DHX16: variants seen among roughly 807,000 people sequenced by gnomAD.
The protein encoded by DHX16 is DEAH-box helicase 16.
DHX16 carries 81 observed loss-of-function variants against 131.2 expected under a neutral mutation model. That is an observed-to-expected ratio of 0.62 (90% CI 0.52 to 0.74). DHX16 has a LOEUF of 0.74. DHX16 is among the 30% of genes least tolerant of loss of function. The pLI is 0.00. For synonymous variants in DHX16, 440 were observed against 520.2 expected (o/e 0.85, Z 2.10); for missense variants, 980 against 1,363.1 (o/e 0.72, Z 4.43).
At position 30,656,958 on chromosome 6, in the gene DHX16, G is replaced by GC. The variant is rs1347969497; in HGVS notation, c.2141dup (p.Cys714TrpfsTer35). 6.2e-7 allele frequency: 1 copy of GC among 1,612,176 alleles called. No homozygotes were observed. The highest frequency in any genetic ancestry group is 8.5e-7 in the Non-Finnish European group (1 of 1,179,520). On this transcript the variant is annotated frameshift_variant, in exon 13 of 20. Coordinates refer to ENST00000376442, the MANE Select transcript of DHX16 (RefSeq NM_003587.5). LOFTEE classifies it high-confidence loss of function. This position sits in a 1 kb window ranked among gnomAD's most constrained non-coding sequence, Gnocchi z 5.1. The stretch of plus-strand genomic sequence containing the variant: ...CATGCATCCCCAGGCTGACCTTGCT[G>GC]CAGGGTGTGACAGTGAGCGATTCCA...
In DHX16 at chr6:30,657,107, A is replaced by G. The variant is rs753372451; in HGVS notation, c.2008-15T>C. The G allele has an allele frequency of 6.8e-6, 11 of 1,606,920 alleles. 1 individual carries two copies. The South Asian group carries it at 1.1e-4, about 16-fold the overall frequency. ...GCCACAACCACCTGAGTGATAGGAT[A>G]TGGGGTCACCCAGTGACCCCACCTA... On this transcript the variant is annotated splice_polypyrimidine_tract_variant and intron_variant, in intron 12 of 19. Transcript: ENST00000376442.
Position 30,665,824 on chromosome 6 carries a change from G to A in DHX16, c.667-91C>T. 6.6e-7 allele frequency: 1 copy of A among 1,504,088 alleles called. No homozygotes were observed. Among genetic ancestry groups the A allele is most frequent in the Non-Finnish European group, 8.9e-7 (1 of 1,127,472 alleles). 93.2% of individuals were successfully genotyped at this position (1,504,088 alleles called of 1,614,324 possible). A position where few individuals can be genotyped will look rare whatever the true frequency, so the allele number is the denominator to read the frequency against. On this transcript the variant is annotated intron_variant, in intron 4 of 19. Coordinates refer to ENST00000376442, the MANE Select transcript of DHX16 (RefSeq NM_003587.5). This position sits in a 1 kb window ranked among gnomAD's most constrained non-coding sequence, Gnocchi z 4.8. ...CCTACAAGGGAAAAATCCCCTGACAGGCAGGCATGAGAACCTCAGGATGCA... is the reference window on the plus strand; with the variant it reads ...CCTACAAGGGAAAAATCCCCTGACAAGCAGGCATGAGAACCTCAGGATGCA...
In DHX16 at chr6:30,656,795, G is replaced by A; in HGVS notation, c.2149-36C>T. 1 of 1,609,514 alleles carries A rather than the reference G, an allele frequency of 6.2e-7. No individual in the cohort carries two copies. Among genetic ancestry groups the A allele is most frequent in the Non-Finnish European group, 8.5e-7 (1 of 1,179,494 alleles). On this transcript the variant is annotated intron_variant, in intron 13 of 19. Coordinates refer to ENST00000376442, the MANE Select transcript of DHX16 (RefSeq NM_003587.5). This position sits in a 1 kb window ranked among gnomAD's most constrained non-coding sequence, Gnocchi z 5.1. ...AGGGGAACAGGCTGGCTGACAATTT[G>A]GTCAGGGAAAAGAAAAAGGCAGTAT...
rs748417415 is a variant in DHX16 at position 30,656,274 on chromosome 6, AAG to A, written c.2431-11_2431-10del. 9.9e-6 allele frequency: 16 copies of A among 1,613,238 alleles called. No individual in the cohort carries two copies. The highest frequency in any genetic ancestry group is 4.5e-5 in the East Asian group (2 of 44,868). ...GCCATCTTTCGACCAGACTAAGGAG[AAG>A]AGAGAGAGAGTTGAGCCCAGTCCTC... On this transcript the variant is annotated splice_polypyrimidine_tract_variant and intron_variant, in intron 15 of 19. Coordinates refer to ENST00000376442, the MANE Select transcript of DHX16 (RefSeq NM_003587.5). The surrounding 1 kb of genome is among the most constrained non-coding windows in gnomAD (Gnocchi z 5.1).
In DHX16 at chr6:30,657,959, C is replaced by G. The variant is rs1332738853; in HGVS notation, c.2008-867G>C. ...CATCCACTGCTTCCCCGATAGACCACAAGTGCAAGTTTGTTAGGCTAAGGA... is the reference window on the plus strand; with the variant it reads ...CATCCACTGCTTCCCCGATAGACCAGAAGTGCAAGTTTGTTAGGCTAAGGA... On this transcript the variant is annotated intron_variant, in intron 12 of 19. Transcript: ENST00000376442. Among the ~76,000 whole-genome samples the G allele has an allele frequency of 4.6e-5, 7 of 152,358 alleles. No homozygotes were observed. In the East Asian group the frequency reaches 1.3e-3, roughly 29 times the overall value.
chr6:30,655,607 G>A lies in DHX16; in HGVS notation c.2499-10C>T, dbSNP rs1177683456. The A allele has an allele frequency of 2.5e-6, 4 of 1,613,040 alleles. No individual in the cohort carries two copies. Among genetic ancestry groups the A allele is most frequent in the Non-Finnish European group, 3.4e-6 (4 of 1,179,984 alleles). ...CTCTGAACAGCTGTACCTGGGACAGGAAGGGGAAAGCATGAGTTCAAAGCA... is the reference window on the plus strand; with the variant it reads ...CTCTGAACAGCTGTACCTGGGACAGAAAGGGGAAAGCATGAGTTCAAAGCA... On this transcript the variant is annotated splice_polypyrimidine_tract_variant and intron_variant, in intron 16 of 19. Coordinates refer to ENST00000376442, the MANE Select transcript of DHX16 (RefSeq NM_003587.5).
At chr6:30,663,456 T>A (rs1365404994) in intron 7 of DHX16, among the ~76,000 whole-genome samples, 1 of 152,074 alleles carries the variant, frequency 6.6e-6, no homozygotes, top group Non-Finnish European at 1.5e-5. Flanking sequence ...GCACAGTGGC[T>A]CACACCTGCA....
chr6:30,657,747 G>C (rs1768119142), intron 12 of DHX16, among the ~76,000 whole-genome samples: 1 of 151,896 alleles, frequency 6.6e-6, no homozygotes, highest in Admixed American at 6.6e-5. Flanking sequence ...TATCAGCCTG[G>C]CTCCCTCCCT....
In DHX16 at chr6:30,653,270, A is replaced by AT; in HGVS notation, c.3097dup (p.Ile1033AsnfsTer34). On this transcript the variant is annotated frameshift_variant, in exon 20 of 20. Transcript: ENST00000376442. LOFTEE classifies it high-confidence loss of function. ...CCCTAGCTCTTCTCGTGTTTTGCCT[A>AT]TTTTTTTGGGCATTTTCTTAGCATG... The AT allele has an allele frequency of 1.2e-6, 2 of 1,612,752 alleles. No homozygotes were observed. The highest frequency in any genetic ancestry group is 1.1e-5 in the South Asian group (1 of 91,066).
At chr6:30,668,540 G>C (rs531329472) in intron 4 of DHX16, among the ~76,000 whole-genome samples, 50 of 152,142 alleles carry the variant, frequency 3.3e-4, no homozygotes, top group African/African-American at 1.1e-3. Context: ...AGTCCCAGCT[G>C]CTCGGGAGGT....
intron 4 of DHX16, among the ~76,000 whole-genome samples, chr6:30,669,974 G>A (rs906800074): frequency 1.5e-4 from 23 of 152,142 alleles, no homozygotes; most frequent in African/African-American, 4.1e-4. Context: ...CAGGAATTAG[G>A]TGGTGGGAAG....
In DHX16 at chr6:30,670,772, C is replaced by T. The variant is rs768622046; in HGVS notation, c.609+18G>A. On this transcript the variant is annotated intron_variant, in intron 3 of 19. Transcript: ENST00000376442. This position sits in a 1 kb window ranked among gnomAD's most constrained non-coding sequence, Gnocchi z 4.4. ...CCTGGGATCTTGGGGATTTACAGAA[C>T]ATGCTGCTCCTATTCACCTTCTTGT... 1.2e-6 allele frequency: 2 copies of T among 1,612,480 alleles called. No homozygotes were observed. The highest frequency in any genetic ancestry group is 1.7e-5 in the Admixed American group (1 of 60,026).
At chr6:30,667,947 T>C (rs1049489440) in intron 4 of DHX16, among the ~76,000 whole-genome samples, 3 of 152,176 alleles carry the variant, frequency 2.0e-5, no homozygotes, top group Non-Finnish European at 2.9e-5. Flanking sequence ...AGAAACAAAC[T>C]TAACATCTAA....
intron 12 of DHX16, 30 bp downstream of exon 12, chr6:30,659,442 G>C (rs1768272790): frequency 1.9e-6 from 3 of 1,566,088 alleles, no homozygotes; most frequent in African/African-American, 2.7e-5. Flanking sequence ...GGAAGCATAG[G>C]GGTGAAGAGT....
In DHX16 at chr6:30,659,771, G is replaced by C; in HGVS notation, c.1819C>G (p.Pro607Ala). 10 of 1,614,142 alleles carry C rather than the reference G, an allele frequency of 6.2e-6. No homozygotes were observed. Among genetic ancestry groups the C allele is most frequent in the Non-Finnish European group, 8.5e-6 (10 of 1,180,022 alleles). ...AGGAACACCAGGATATCCCCAGGGGGCTGGGTCACATGGATCTGCAACACA... is the reference window on the plus strand; with the variant it reads ...AGGAACACCAGGATATCCCCAGGGGCCTGGGTCACATGGATCTGCAACACA... The part of the protein sequence containing the change: ...VSVLQIHVTQ[P>A]PGDILVFLTG... Residue 607 changes from proline to alanine, a missense_variant, in exon 11 of 20, where the codon CCC (proline) becomes GCC (alanine). Pro to Ala is a conservative substitution (Grantham distance 27, BLOSUM62 -1). Around this residue, in one of 3 missense-constraint regions of DHX16, gnomAD observed 309 missense variants for 537.1 expected, o/e 0.58. Transcript: ENST00000376442.
intron 9 of DHX16, 103 bp from the exon 10 acceptor site, chr6:30,660,345 C>A: frequency 1.1e-6 from 1 of 951,910 alleles, no homozygotes; most frequent in Non-Finnish European, 1.5e-6. Flanking sequence ...ACAAAGAGTT[C>A]AAGAATGACT....
At position 30,656,322 on chromosome 6, in the gene DHX16, C is replaced by T. The variant is rs900421751; in HGVS notation, c.2431-57G>A. The T allele has an allele frequency of 7.4e-6, 12 of 1,610,850 alleles. No homozygotes were observed. The highest frequency in any genetic ancestry group is 9.3e-6 in the Non-Finnish European group (11 of 1,177,262). On this transcript the variant is annotated intron_variant, in intron 15 of 19. Coordinates refer to ENST00000376442, the MANE Select transcript of DHX16 (RefSeq NM_003587.5). The surrounding 1 kb of genome is among the most constrained non-coding windows in gnomAD (Gnocchi z 5.1). Reference sequence around the variant, plus strand: ...TCCTCCCTCAGGTTTCCCGCTACTACTACAGGGGTCCCTGGAGCCATCCTG... The same window carrying T: ...TCCTCCCTCAGGTTTCCCGCTACTATTACAGGGGTCCCTGGAGCCATCCTG...
intron 4 of DHX16, among the ~76,000 whole-genome samples, chr6:30,668,452 A>G (rs1769235521): frequency 6.6e-6 from 1 of 152,074 alleles, no homozygotes; most frequent in Non-Finnish European, 1.5e-5. Flanking sequence ...GGAGTTTGAG[A>G]TCAGACTGGC....
Position 30,654,741 on chromosome 6 carries a change from C to T in DHX16, c.2962G>A (p.Glu988Lys), listed in dbSNP as rs1212221030. ...AACTCTTTGGTGGTCAAGACAAGTT[C>T]GTGGTAGAGCAGCCAGCGTGGCTGT... is the stretch of plus-strand genomic sequence containing the variant. ...EQQPRWLLYH[E>K]LVLTTKEFMR... Residue 988 changes from glutamate to lysine, a missense_variant, in exon 19 of 20, where the codon GAA (glutamate) becomes AAA (lysine). By Grantham distance (56) the Glu-to-Lys change is moderately conservative (BLOSUM62 1). This residue lies in a region of DHX16 where 214 missense variants were observed against 271.2 expected (regional missense o/e 0.79). Transcript: ENST00000376442. 2.5e-6 allele frequency: 4 copies of T among 1,612,858 alleles called. No homozygotes were observed. The highest frequency in any genetic ancestry group is 1.7e-5 in the Admixed American group (1 of 59,984).
Sources: allele counts gnomAD v4.1 joint callset (sites outside exome capture counted in the v4.1 genomes callset), GRCh38; gene constraint gnomAD v4.1.1; regional missense constraint gnomAD v4.1.1; non-coding constraint Gnocchi (gnomAD v3.1); transcripts MANE v1.5; gene names NCBI Gene and HGNC (gene_info 2026-07-23, HGNC 2026-07-21).